CELA3A: variants seen among roughly 807,000 people sequenced by gnomAD.
CELA3A encodes chymotrypsin like elastase 3A.
Under a neutral mutation model 38.6 loss-of-function variants are expected in CELA3A, and 35 were observed. The observed-to-expected ratio is 0.91, with a 90% CI of 0.69 to 1.20. The LOEUF is 1.20. Ranked by LOEUF, CELA3A falls within the 50% of genes most tolerant of loss-of-function variation. The probability of loss-of-function intolerance (pLI) is 0.00; values close to 1 mark genes in which losing one functional copy is unlikely to be tolerated. For synonymous variants in CELA3A, 143 were observed against 136.7 expected (o/e 1.05, Z -0.32); for missense variants, 343 against 354.2 (o/e 0.97, Z 0.25).
At chr1:22,010,602 C>A (rs1644977654) in intron 7 of CELA3A, 1 of 118,388 alleles carries the variant, frequency 8.4e-6, no homozygotes, top group African/African-American at 3.4e-5. Context: ...GGTGACAGAG[C>A]GAGACTCCGT....
At chr1:22,004,335 A>C (rs939543432) in intron 2 of CELA3A, among the ~76,000 whole-genome samples, 1 of 150,886 alleles carries the variant, frequency 6.6e-6, no homozygotes. Flanking sequence ...GACCTCCCAC[A>C]GTGCTGGGAT....
chr1:22,005,419 C>A (rs773058183), intron 2 of CELA3A, 28 bp from the exon 3 acceptor site: 1 of 1,610,118 alleles, frequency 6.2e-7, no homozygotes, highest in South Asian at 1.1e-5. Context: ...GCCCAGCCCA[C>A]TGAGGCCCTT....
chr1:22,002,774 A>G lies in CELA3A; in HGVS notation c.44-229A>G, dbSNP rs548658304. Among the ~76,000 whole-genome samples the G allele has an allele frequency of 2.0e-4, 31 of 151,462 alleles. No individual in the cohort carries two copies. In the South Asian group the frequency reaches 3.1e-3, roughly 15 times the overall value. ...TGTATCAAGCTCTTCAATCCTCCCA[A>G]TGAAGGAGGCCACATTTGAATCTCT... On this transcript the variant is annotated intron_variant, in intron 1 of 7. Coordinates refer to ENST00000290122, the MANE Select transcript of CELA3A (RefSeq NM_005747.5).
Position 22,010,142 on chromosome 1 carries a change from G to A in CELA3A, c.795+285G>A, listed in dbSNP as rs972671730. On this transcript the variant is annotated intron_variant, in intron 7 of 7. Transcript: ENST00000290122. ...GGTCTTGTCCTCTCTTGTCAGGGAG[G>A]ATAGAGAGACATGCCAGACAAGAGG... is the stretch of plus-strand genomic sequence containing the variant. 10 of 433,444 alleles carry A rather than the reference G, an allele frequency of 2.3e-5. 1 individual carries two copies. Among genetic ancestry groups the A allele is most frequent in the Non-Finnish European group, 4.5e-5 (10 of 224,558 alleles). 26.8% of individuals were successfully genotyped at this position (433,444 alleles called of 1,614,324 possible). A position where few individuals can be genotyped will look rare whatever the true frequency, so the allele number is the denominator to read the frequency against.
At chr1:22,008,152 C>CTT (rs71016968) in intron 6 of CELA3A, among the ~76,000 whole-genome samples, 5,684 of 86,824 alleles carry the variant, frequency 0.065, 538 homozygotes, top group African/African-American at 0.14. Flanking sequence ...GACGTTGTCT[C>CTT]TTTTTTTTTT....
At chr1:22,008,112 C>G (rs532118981) in intron 6 of CELA3A, among the ~76,000 whole-genome samples, 13 of 96,470 alleles carry the variant, frequency 1.3e-4, no homozygotes, top group Non-Finnish European at 2.6e-5. Context: ...ATGATTTTTG[C>G]CACTGCACCC....
At chr1:22,011,027 A>G (rs1258887031) in intron 7 of CELA3A, 2 of 151,664 alleles carry the variant, frequency 1.3e-5, no homozygotes, top group African/African-American at 4.9e-5. Flanking sequence ...GGAATGATAT[A>G]GAGATTAGCA....
rs1184862599 is a variant in CELA3A at position 22,003,040 on chromosome 1, C to A, written c.81C>A (p.Ser27Arg). The change falls in exon 2 of 8, where the codon AGC becomes AGA. Residue 27 changes from serine to arginine, a missense_variant. By Grantham distance (110) the Ser-to-Arg change is moderately radical (BLOSUM62 -1). Coordinates refer to ENST00000290122, the MANE Select transcript of CELA3A (RefSeq NM_005747.5). ...GYGPPSSHSS[S>R]RVVHGEDAVP... ...GCCCACCTTCCTCTCACTCTTCCAG[C>A]CGCGTTGTCCATGGTGAGGATGCGG... The A allele has an allele frequency of 1.7e-5, 27 of 1,571,834 alleles. 2 individuals are homozygous for A. The highest frequency in any genetic ancestry group is 2.2e-5 in the Non-Finnish European group (26 of 1,167,370).
At chr1:22,003,498 T>C (rs1219490549) in intron 2 of CELA3A, among the ~76,000 whole-genome samples, 1 of 150,682 alleles carries the variant, frequency 6.6e-6, no homozygotes, top group Non-Finnish European at 1.5e-5. Flanking sequence ...AAGGCTGGAC[T>C]TGATGTGCTG....
In CELA3A at chr1:22,001,741, G is replaced by A. The variant is rs370223698; in HGVS notation, c.43+24G>A. On this transcript the variant is annotated intron_variant, in intron 1 of 7. Transcript: ENST00000290122. ...TGGTAAGACCCCAACCTGTCTGTGT[G>A]CTCCCTGGGCTGCCCTGGACTAGGA... The A allele has an allele frequency of 2.7e-5, 44 of 1,611,282 alleles. No individual in the cohort carries two copies. In the East Asian group the frequency reaches 5.1e-4, roughly 19 times the overall value.
chr1:22,008,244 G>T (rs1430223345), intron 6 of CELA3A, among the ~76,000 whole-genome samples: 1 of 141,068 alleles, frequency 7.1e-6, no homozygotes, highest in Non-Finnish European at 1.5e-5. Flanking sequence ...TTGCCCTCCT[G>T]GGCTCAAGCA....
At position 22,009,819 on chromosome 1, in the gene CELA3A, T is replaced by C; in HGVS notation, c.757T>C (p.Phe253Leu). 4 of 1,612,618 alleles carry C rather than the reference T, an allele frequency of 2.5e-6. No homozygotes were observed. The highest frequency in any genetic ancestry group is 3.4e-6 in the Non-Finnish European group (4 of 1,179,596). Residue 253 changes from phenylalanine (F) to leucine (L), a missense_variant, in exon 7 of 8, where the codon TTC becomes CTC. Phe to Leu is a conservative substitution (Grantham distance 22, BLOSUM62 0). Transcript: ENST00000290122. Reference protein sequence around the residue: ...GCNFIWKPTVFTRVSAFIDWI... With the variant: ...GCNFIWKPTVLTRVSAFIDWI... The stretch of plus-strand genomic sequence containing the variant: ...CAACTTCATCTGGAAGCCCACGGTG[T>C]TCACTCGAGTCTCCGCCTTCATCGA...
rs144074674 is a variant in CELA3A, at chr1:22,009,842, C to G, written c.780C>G (p.Ile260Met). ...PTVFTRVSAF[I>M]DWIEETIASH ...TGTTCACTCGAGTCTCCGCCTTCAT[C>G]GACTGGATTGAGGAGGTGAGGAGGG... Residue 260 changes from isoleucine (I) to methionine (M), a missense_variant, in exon 7 of 8, where the codon ATC (isoleucine) becomes ATG (methionine). Coordinates refer to ENST00000290122, the MANE Select transcript of CELA3A (RefSeq NM_005747.5). 2.2e-5 allele frequency: 35 copies of G among 1,612,486 alleles called. No homozygotes were observed. The highest frequency in any genetic ancestry group is 1.7e-4 in the Middle Eastern group (1 of 6,052).
At position 22,001,804 on chromosome 1, in the gene CELA3A, A is replaced by G. The variant is rs148711977; in HGVS notation, c.43+87A>G. 8.3e-6 allele frequency: 13 copies of G among 1,557,394 alleles called. No individual in the cohort carries two copies. In the African/African-American group the frequency reaches 1.4e-4, roughly 17 times the overall value. ...TACCACTCGCTCTGAGTCCCATGAC[A>G]TGCTATGCCTGGTTCCACAGGAGGG... On this transcript the variant is annotated intron_variant, in intron 1 of 7. Transcript: ENST00000290122.
chr1:22,012,348 C>T (rs1259869498), intron 7 of CELA3A, 102 bp from the exon 8 acceptor site: 6 of 1,369,170 alleles, frequency 4.4e-6, no homozygotes, highest in African/African-American at 1.8e-5. Context: ...AATCCCTCTC[C>T]CAGGGTCACA....
chr1:22,010,481 G>T (rs565699647), intron 7 of CELA3A, among the ~76,000 whole-genome samples: 1 of 151,060 alleles, frequency 6.6e-6, no homozygotes, highest in African/African-American at 2.4e-5. Context: ...GCCGGGCATG[G>T]TGGTGGGTGC....
At position 22,006,483 on chromosome 1, in the gene CELA3A, T is replaced by G. The variant is rs949039903; in HGVS notation, c.363-395T>G. Among the ~76,000 whole-genome samples the G allele has an allele frequency of 3.3e-5, 5 of 151,188 alleles. 1 individual carries two copies. The highest frequency in any genetic ancestry group is 3.3e-4 in the Admixed American group (5 of 15,182). On this transcript the variant is annotated intron_variant, in intron 4 of 7. Transcript: ENST00000290122. ...CGGAGGCTGCAGTGAGCCAAGATCATGCCACTGCACTCCAGCCTGGGCAAC... is the reference window on the plus strand; with the variant it reads ...CGGAGGCTGCAGTGAGCCAAGATCAGGCCACTGCACTCCAGCCTGGGCAAC...
At chr1:22,002,346 G>A (rs1421709108) in intron 1 of CELA3A, among the ~76,000 whole-genome samples, 1 of 150,988 alleles carries the variant, frequency 6.6e-6, no homozygotes, top group Admixed American at 6.6e-5. Flanking sequence ...AGGCAGAGCT[G>A]CACTTAATGT....
At position 22,005,429 on chromosome 1, in the gene CELA3A, T is replaced by C. The variant is rs759062149; in HGVS notation, c.130-18T>C. ...GTGGGGCCCAGCCCACTGAGGCCCT[T>C]TCCTCCTGGGCCACCAGGTTTCCCT... is the stretch of plus-strand genomic sequence containing the variant. On this transcript the variant is annotated intron_variant, in intron 2 of 7. Transcript: ENST00000290122. The C allele has an allele frequency of 2.2e-5, 35 of 1,611,726 alleles. No homozygotes were observed. Among genetic ancestry groups the C allele is most frequent in the Non-Finnish European group, 3.0e-5 (35 of 1,179,556 alleles).
Sources: gnomAD v4.1 joint callset for allele counts (sites outside exome capture counted in the v4.1 genomes callset) on GRCh38, gnomAD v4.1.1 for gene constraint, MANE v1.5 for transcripts, NCBI Gene and HGNC (gene_info 2026-07-23, HGNC 2026-07-21) for gene names.